Variants in PLPP4 observed in about 807,000 individuals in gnomAD.
PLPP4 encodes the protein diacylglycerol pyrophosphate like 2.
A neutral mutation model predicts 32.2 loss-of-function variants in PLPP4; 20 were observed. The observed-to-expected ratio is 0.62, with a 90% confidence interval of 0.44 to 0.90. The LOEUF is 0.90. Ranked by LOEUF, PLPP4 falls within the 40% of genes least tolerant of loss-of-function variation. The pLI is 0.00. For missense variants in PLPP4, 257 were observed against 353.1 expected (o/e 0.73, Z 2.18); for synonymous variants, 127 against 133.0 (o/e 0.95, Z 0.31).
chr10:120,481,083 C>G (rs965044589), intron 1 of PLPP4, among the ~76,000 whole-genome samples: 2 of 152,240 alleles, frequency 1.3e-5, no homozygotes, highest in Non-Finnish European at 2.9e-5. Flanking sequence ...AGCTATGACA[C>G]AGTGACTGGC....
chr10:120,549,321 A>G (rs1346473478), intron 5 of PLPP4, among the ~76,000 whole-genome samples: 1 of 151,166 alleles, frequency 6.6e-6, no homozygotes, highest in Non-Finnish European at 1.5e-5. Flanking sequence ...AACCACTGCT[A>G]ACCAAAATGG....
At chr10:120,533,482 A>T (rs2133942247) in intron 5 of PLPP4, among the ~76,000 whole-genome samples, 1 of 152,246 alleles carries the variant, frequency 6.6e-6, no homozygotes, top group Non-Finnish European at 1.5e-5. Flanking sequence ...TTTTACTCTC[A>T]TGATAGTATT....
In PLPP4 at chr10:120,469,279, G is replaced by C. The variant is rs10788095; in HGVS notation, c.56+11918G>C. Among the ~76,000 whole-genome samples the C allele has an allele frequency of 1.5e-3, 23 of 15,572 alleles. 8 individuals are homozygous for C. The highest frequency in any genetic ancestry group is 6.9e-3 in the Admixed American group (4 of 578). The allele number at this position is 15,572 out of a possible 152,430, so 10.2% of individuals were successfully genotyped here. A position where few individuals can be genotyped will look rare whatever the true frequency, so the allele number is the denominator to read the frequency against. Reference sequence around the variant, plus strand: ...GTCTTGCTCTGTCACCCAGGCTGGAGTGCAGTGGCACCATCTCAGCTCACT... The same window carrying C: ...GTCTTGCTCTGTCACCCAGGCTGGACTGCAGTGGCACCATCTCAGCTCACT... On this transcript the variant is annotated intron_variant, in intron 1 of 6. Coordinates refer to ENST00000398250, the MANE Select transcript of PLPP4 (RefSeq NM_001030059.3).
At chr10:120,578,869 C>CT (rs1849347544) in intron 6 of PLPP4, among the ~76,000 whole-genome samples, 1 of 152,204 alleles carries the variant, frequency 6.6e-6, no homozygotes, top group African/African-American at 2.4e-5. Flanking sequence ...TGGAGAGTTT[C>CT]ACAGATGATG....
intron 1 of PLPP4, among the ~76,000 whole-genome samples, chr10:120,493,544 G>A (rs541655544): frequency 7.9e-5 from 12 of 152,296 alleles, no homozygotes; most frequent in Non-Finnish European, 4.4e-5. Flanking sequence ...CGCACGGCCT[G>A]TTCTGGTCCT....
intron 1 of PLPP4, among the ~76,000 whole-genome samples, chr10:120,478,980 A>G (rs528161771): frequency 1.2e-4 from 18 of 152,360 alleles, no homozygotes; most frequent in Admixed American, 3.3e-4. Context: ...TAATCCCAGC[A>G]CTTTGGGAGG....
In PLPP4 at chr10:120,544,558, C is replaced by T. The variant is rs77638808; in HGVS notation, c.445+23463C>T. Among the ~76,000 whole-genome samples, 490 of 152,292 alleles carry T rather than the reference C, an allele frequency of 3.2e-3. 2 individuals carry two copies. Among genetic ancestry groups the T allele is most frequent in the African/African-American group, 0.011 (470 of 41,556 alleles). On this transcript the variant is annotated intron_variant, in intron 5 of 6. Transcript: ENST00000398250. ...ACTTCCCCTCCCATACACAGACTCT[C>T]CTGCTCCCCGGGCCTCACTCTTCCC...
At chr10:120,529,299 A>G (rs1346649724) in intron 5 of PLPP4, among the ~76,000 whole-genome samples, 4 of 152,148 alleles carry the variant, frequency 2.6e-5, no homozygotes, top group Non-Finnish European at 5.9e-5. Flanking sequence ...CCCTGTGGCA[A>G]AGAATTATCT....
At chr10:120,537,992 TTCTCTCTCTCTCTCTCTCTCTC>T (rs1158226991) in intron 5 of PLPP4, among the ~76,000 whole-genome samples, 566 of 18,986 alleles carry the variant, frequency 0.03, 28 homozygotes, top group Middle Eastern at 0.1. Context: ...ACCAGGCCCT[TTCTCTCTCTCTCTCTCTCTCTC>T]TCTCTCTCTC....
rs58655566 is a variant in PLPP4 at position 120,565,315 on chromosome 10, G to GGTGT, written c.446-9772_446-9769dup. 8.4e-3 allele frequency among the ~76,000 whole-genome samples: 1,200 copies of GGTGT among 142,690 alleles called. 11 individuals carry two copies. The highest frequency in any genetic ancestry group is 9.9e-3 in the Non-Finnish European group (649 of 65,488). The allele number at this position is 142,690 out of a possible 152,430, so 93.6% of individuals were successfully genotyped here. On this transcript the variant is annotated intron_variant, in intron 5 of 6. Coordinates refer to ENST00000398250, the MANE Select transcript of PLPP4 (RefSeq NM_001030059.3). ...TACATTTCCTTTGATTTGTTTGTGTGGTGTGTGTGTGTGTGTGTGTGTGTG... is the reference window on the plus strand; with the variant it reads ...TACATTTCCTTTGATTTGTTTGTGTGGTGTGTGTGTGTGTGTGTGTGTGTGTGTG...
rs114627533 is a variant in PLPP4, at chr10:120,457,501, A to T, written c.56+140A>T. ...GGTCCCTTCCCCGCCAAGTGCCCGC[A>T]ACGTGTCCTACGGGACCAAGAGAGA... On this transcript the variant is annotated intron_variant, in intron 1 of 6. Transcript: ENST00000398250. 4.2e-3 allele frequency: 2,775 copies of T among 652,998 alleles called. 63 individuals carry two copies. In the African/African-American group the frequency reaches 0.044, roughly 10 times the overall value. 40.5% of individuals were successfully genotyped at this position (652,998 alleles called of 1,614,324 possible). A position where few individuals can be genotyped will look rare whatever the true frequency, so the allele number is the denominator to read the frequency against.
intron 1 of PLPP4, among the ~76,000 whole-genome samples, chr10:120,470,310 G>A (rs1202022013): frequency 6.6e-6 from 1 of 152,170 alleles, no homozygotes; most frequent in Non-Finnish European, 1.5e-5. Flanking sequence ...TCTTACTGAT[G>A]TATAGGTGTG....
chr10:120,458,774 C>T (rs1255783824), intron 1 of PLPP4, among the ~76,000 whole-genome samples: 1 of 152,174 alleles, frequency 6.6e-6, no homozygotes, highest in Non-Finnish European at 1.5e-5. Flanking sequence ...TTGGAATGTA[C>T]GTTAAAACTA....
intron 5 of PLPP4, among the ~76,000 whole-genome samples, chr10:120,552,506 C>CA (rs566073341): frequency 9.9e-4 from 150 of 152,174 alleles, no homozygotes; most frequent in African/African-American, 3.5e-3. Context: ...CATTGGCCAT[C>CA]AAAAAATAAT....
At chr10:120,548,253 C>T (rs1309765433) in intron 5 of PLPP4, among the ~76,000 whole-genome samples, 1 of 152,022 alleles carries the variant, frequency 6.6e-6, no homozygotes, top group Non-Finnish European at 1.5e-5. Flanking sequence ...AAATAGGCCT[C>T]AGTTTTTGTC....
intron 1 of PLPP4, among the ~76,000 whole-genome samples, chr10:120,495,672 T>G (rs971779721): frequency 2.0e-5 from 3 of 152,224 alleles, no homozygotes; most frequent in Non-Finnish European, 2.9e-5. Flanking sequence ...TGAAAGTGAC[T>G]TTCTGGGCCA....
chr10:120,472,643 CT>C (rs1375170460), intron 1 of PLPP4, among the ~76,000 whole-genome samples: 1 of 152,002 alleles, frequency 6.6e-6, no homozygotes, highest in African/African-American at 2.4e-5. Context: ...TTAAATAGTC[CT>C]AAGACTTTAT....
chr10:120,492,974 C>T (rs183129188), intron 1 of PLPP4, among the ~76,000 whole-genome samples: 9 of 152,310 alleles, frequency 5.9e-5, no homozygotes, highest in Admixed American at 1.3e-4. Context: ...CTAAACCCCC[C>T]TAAATGTTTC....
intron 5 of PLPP4, among the ~76,000 whole-genome samples, chr10:120,532,024 C>T (rs1414355769): frequency 1.3e-5 from 2 of 152,110 alleles, no homozygotes; most frequent in Admixed American, 6.5e-5. Flanking sequence ...AACCCATCGT[C>T]TACATTAGGT....
Sources: allele counts gnomAD v4.1 joint callset (sites outside exome capture counted in the v4.1 genomes callset), GRCh38; gene constraint gnomAD v4.1.1; transcripts MANE v1.5; gene names NCBI Gene and HGNC (gene_info 2026-07-23, HGNC 2026-07-21).